EPM2A: variants seen among roughly 807,000 people sequenced by gnomAD.
EPM2A encodes the protein EPM2A glucan phosphatase, laforin, also known as laforin.
A neutral mutation model predicts 26.5 loss-of-function variants in EPM2A; 21 were observed. The observed-to-expected ratio is 0.79, with a 90% CI of 0.56 to 1.14. EPM2A has a LOEUF of 1.14. Ranked by LOEUF, EPM2A falls within the 50% of genes most tolerant of loss-of-function variation. The pLI is 0.00. For missense variants in EPM2A, 458 were observed against 440.8 expected (o/e 1.04, Z -0.35); for synonymous variants, 217 against 177.6 (o/e 1.22, Z -1.76).
chr6:145,492,360 G>A (rs1412316444), intron 4 of EPM2A, among the ~76,000 whole-genome samples: 1 of 152,142 alleles, frequency 6.6e-6, no homozygotes, highest in Admixed American at 6.5e-5. Context: ...GTACCATCTA[G>A]GGTGGCGTAC....
chr6:145,487,029 T>C (rs552655878), intron 4 of EPM2A, among the ~76,000 whole-genome samples: 2 of 152,050 alleles, frequency 1.3e-5, no homozygotes, highest in Non-Finnish European at 2.9e-5. Flanking sequence ...GTGTGTGTTG[T>C]TCCCCTCTAT....
At chr6:145,560,742 A>G (rs1780792716) in intron 2 of EPM2A, among the ~76,000 whole-genome samples, 1 of 152,160 alleles carries the variant, frequency 6.6e-6, no homozygotes, top group Non-Finnish European at 1.5e-5. Flanking sequence ...TATCTGCTTA[A>G]TGAATAAAGG....
chr6:145,592,721 C>A (rs563021543), intron 2 of EPM2A, among the ~76,000 whole-genome samples: 147 of 152,168 alleles, frequency 9.7e-4, no homozygotes, highest in Middle Eastern at 3.4e-3. Context: ...TTGCATTTCT[C>A]TGATGGCCAG....
chr6:145,647,978 A>T (rs561359524), intron 2 of EPM2A, among the ~76,000 whole-genome samples: 2 of 152,328 alleles, frequency 1.3e-5, no homozygotes, highest in African/African-American at 4.8e-5. Context: ...ATGTAACTCA[A>T]CATGTTTCCT....
rs9497347 is a variant in EPM2A, at chr6:145,558,939, T to C, written c.341-56364A>G. 7.7e-3 allele frequency among the ~76,000 whole-genome samples: 1,167 copies of C among 152,128 alleles called. 16 individuals are homozygous for C. The highest frequency in any genetic ancestry group is 0.027 in the African/African-American group (1,111 of 41,516). ...TTTATAAGGCTGGTGGGCTGGTGCA[T>C]CAAGTTCCATCATTACAACTCTGTG... On this transcript the variant is annotated intron_variant, in intron 2 of 3. Transcript: ENST00000450221.
chr6:145,648,131 T>C (rs757408882), intron 2 of EPM2A, among the ~76,000 whole-genome samples: 4 of 152,212 alleles, frequency 2.6e-5, no homozygotes, highest in Non-Finnish European at 4.4e-5. Context: ...ACACATTATT[T>C]CTTCTTTAAA....
At chr6:145,590,145 G>C (rs1781253014) in intron 2 of EPM2A, among the ~76,000 whole-genome samples, 1 of 151,982 alleles carries the variant, frequency 6.6e-6, no homozygotes, top group Non-Finnish European at 1.5e-5. Context: ...ACTAAGTATA[G>C]ACTACCATGA....
intron 1 of EPM2A, among the ~76,000 whole-genome samples, chr6:145,726,918 T>C (rs1310804118): frequency 6.6e-6 from 1 of 152,138 alleles, no homozygotes; most frequent in Non-Finnish European, 1.5e-5. Context: ...TCCTTAATTA[T>C]CACAAGTGTC....
rs145030227 is a variant in EPM2A, at chr6:145,627,697, C to T, written c.719-4G>A. The T allele has an allele frequency of 3.3e-4, 529 of 1,613,724 alleles. 3 individuals are homozygous for T. In the African/African-American group the frequency reaches 6.3e-3, roughly 19 times the overall value. On this transcript the variant is annotated splice_region_variant and splice_polypyrimidine_tract_variant and intron_variant, in intron 3 of 3. Coordinates refer to ENST00000367519, the MANE Select transcript of EPM2A (RefSeq NM_005670.4). ...TGGGGCAGCATCTGTACTCGGCCTG[C>T]GGTGGGGAAAGCACAGCACACATGT...
At chr6:145,428,441 C>T (rs1031372217) in intron 4 of EPM2A, among the ~76,000 whole-genome samples, 1 of 152,136 alleles carries the variant, frequency 6.6e-6, no homozygotes, top group Non-Finnish European at 1.5e-5. Flanking sequence ...TCCCAACGAG[C>T]GGTTAATCTA....
chr6:145,479,052 T>C (rs1267698616), intron 4 of EPM2A, among the ~76,000 whole-genome samples: 1 of 151,456 alleles, frequency 6.6e-6, no homozygotes, highest in East Asian at 1.9e-4. Context: ...AAGCTTGTTA[T>C]CTGTGTCACT....
intron 2 of EPM2A, among the ~76,000 whole-genome samples, chr6:145,568,669 A>C (rs1227462394): frequency 6.6e-6 from 1 of 152,152 alleles, no homozygotes; most frequent in African/African-American, 2.4e-5. Flanking sequence ...TGTTAAGAGC[A>C]TGCCAAGAAC....
chr6:145,490,713 A>G (rs1779743320), intron 4 of EPM2A: 2 of 572,614 alleles, frequency 3.5e-6, no homozygotes, highest in Admixed American at 2.1e-5. Context: ...TAAATGAACC[A>G]TTACATTTCT....
At chr6:145,540,944 G>A (rs1780497969) in intron 2 of EPM2A, among the ~76,000 whole-genome samples, 1 of 152,170 alleles carries the variant, frequency 6.6e-6, no homozygotes, top group South Asian at 2.1e-4. Flanking sequence ...GTAATTCAAA[G>A]CCAAATATAA....
downstream of EPM2A, among the ~76,000 whole-genome samples, chr6:145,496,728 A>ATTTTTTT (rs1554244200): frequency 9.4e-6 from 1 of 106,908 alleles, no homozygotes; most frequent in Non-Finnish European, 2.0e-5. Flanking sequence ...AGTTCCTGCA[A>ATTTTTTT]TTTTTTTTTT....
At chr6:145,431,096 C>T (rs200370639) in intron 4 of EPM2A, among the ~76,000 whole-genome samples, 3 of 151,988 alleles carry the variant, frequency 2.0e-5, no homozygotes, top group Admixed American at 2.0e-4. Context: ...ACAAGAAGAA[C>T]AAATAAAATC....
In EPM2A at chr6:145,700,819, T is replaced by G. The variant is rs141907367; in HGVS notation, c.302-14523A>C. Among the ~76,000 whole-genome samples the G allele has an allele frequency of 3.9e-5, 6 of 152,310 alleles. No homozygotes were observed. In the East Asian group the frequency reaches 1.2e-3, roughly 29 times the overall value. ...GCATAAAATATGTCTTCAATTAAGA[T>G]TTTCCAGAATGTGGACTAAATAATT... On this transcript the variant is annotated intron_variant, in intron 1 of 3. Coordinates refer to ENST00000367519, the MANE Select transcript of EPM2A (RefSeq NM_005670.4).
At chr6:145,452,094 AG>A (rs1779202542) in intron 4 of EPM2A, among the ~76,000 whole-genome samples, 1 of 152,224 alleles carries the variant, frequency 6.6e-6, no homozygotes. Context: ...CTCTCTTAAC[AG>A]TTGCCTGCCA....
intron 1 of EPM2A, among the ~76,000 whole-genome samples, chr6:145,722,932 C>T (rs559916397): frequency 6.6e-6 from 1 of 152,208 alleles, no homozygotes; most frequent in South Asian, 2.1e-4. Flanking sequence ...TCTGACGGCA[C>T]CTTCATTTTG....
Sources: gnomAD v4.1 joint callset for allele counts (sites outside exome capture counted in the v4.1 genomes callset) on GRCh38, gnomAD v4.1.1 for gene constraint, MANE v1.5 for transcripts, NCBI Gene and HGNC (gene_info 2026-07-23, HGNC 2026-07-21) for gene names.